Variants in NWD2 observed in about 807,000 individuals in gnomAD.
NWD2 encodes NACHT and WD repeat domain containing 2.
In NWD2, 37 loss-of-function variants were observed where a neutral mutation model predicts 132.7. The ratio of observed to expected loss-of-function variants is 0.28; its 90% CI spans 0.21 to 0.37. The LOEUF (loss-of-function observed/expected upper bound fraction) is 0.37. Among genes scored for constraint, NWD2 ranks in the 10% least tolerant of loss-of-function variants. The pLI is 1.00. For synonymous variants in NWD2, 705 were observed against 803.0 expected (o/e 0.88, Z 2.06); for missense variants, 1,592 against 2,122.4 (o/e 0.75, Z 4.91).
At chr4:37,435,611 A>G (rs1201341997) in intron 5 of NWD2, among the ~76,000 whole-genome samples, 1 of 151,906 alleles carries the variant, frequency 6.6e-6, no homozygotes, top group Non-Finnish European at 1.5e-5. Flanking sequence ...CTTTCCTATT[A>G]TTTATGTAAA....
intron 1 of NWD2, among the ~76,000 whole-genome samples, chr4:37,310,029 G>A (rs1215774481): frequency 1.9e-4 from 29 of 152,116 alleles, no homozygotes; most frequent in Non-Finnish European, 1.5e-5. Context: ...CCTCTTTGGA[G>A]TGATGACCTT....
intron 1 of NWD2, among the ~76,000 whole-genome samples, chr4:37,321,577 C>G (rs965569819): frequency 1.3e-5 from 2 of 152,156 alleles, no homozygotes; most frequent in African/African-American, 4.8e-5. Flanking sequence ...CTTTGATTTA[C>G]ACTGTTTAAA....
chr4:37,333,447 T>C (rs1174686538), intron 2 of NWD2, among the ~76,000 whole-genome samples: 2 of 152,120 alleles, frequency 1.3e-5, no homozygotes, highest in Admixed American at 1.3e-4. Flanking sequence ...TGCCTGGTAA[T>C]CCAGAGAATT....
chr4:37,272,536 T>C (rs868613910), intron 1 of NWD2, among the ~76,000 whole-genome samples: 8 of 151,878 alleles, frequency 5.3e-5, no homozygotes, highest in Middle Eastern at 3.4e-3. Context: ...GTCTATTTTA[T>C]TGAAATTGTT....
chr4:37,313,185 A>G (rs1304110050), intron 1 of NWD2, among the ~76,000 whole-genome samples: 2 of 151,130 alleles, frequency 1.3e-5, no homozygotes, highest in African/African-American at 2.5e-5. Context: ...GTTGATTTGA[A>G]TAGTTTCAGA....
chr4:37,437,416 G>A (rs142964948), intron 5 of NWD2, among the ~76,000 whole-genome samples: 2 of 152,080 alleles, frequency 1.3e-5, no homozygotes, highest in African/African-American at 2.4e-5. Context: ...TTACCCAAAC[G>A]CCCCACCTCC....
At position 37,438,947 on chromosome 4, in the gene NWD2, G is replaced by A; in HGVS notation, c.853G>A (p.Glu285Lys). 1 of 1,552,050 alleles carries A rather than the reference G, an allele frequency of 6.4e-7. No individual in the cohort carries two copies. The highest frequency in any genetic ancestry group is 8.7e-7 in the Non-Finnish European group (1 of 1,147,072). The change falls in exon 6 of 7, where the codon GAA (glutamate) becomes AAA (lysine). Residue 285 changes from glutamate (E) to lysine (K), a missense_variant. Around this residue, in one of 7 missense-constraint regions of NWD2, gnomAD observed 1,071 missense variants for 1,398.0 expected, o/e 0.77. Coordinates refer to ENST00000309447, the MANE Select transcript of NWD2 (RefSeq NM_001144990.2). Reference protein sequence around the residue: ...MGKYMDITGTEPRIIRDPEAQ... With the variant: ...MGKYMDITGTKPRIIRDPEAQ... ...AAAATACATGGATATAACTGGAACA[G>A]AACCGAGGATTATTCGGGACCCAGA...
intron 2 of NWD2, among the ~76,000 whole-genome samples, chr4:37,348,671 T>C (rs376282104): frequency 0.08 from 4,898 of 60,990 alleles, 444 homozygotes; most frequent in African/African-American, 0.25. Flanking sequence ...TATATATATA[T>C]ATATACACAC....
intron 4 of NWD2, among the ~76,000 whole-genome samples, chr4:37,433,222 C>T (rs1047931470): frequency 1.3e-5 from 2 of 152,114 alleles, no homozygotes; most frequent in Non-Finnish European, 2.9e-5. Context: ...ATATAGATAG[C>T]AAAGAACCTG....
chr4:37,320,460 A>G (rs1719045761), intron 1 of NWD2, among the ~76,000 whole-genome samples: 1 of 152,322 alleles, frequency 6.6e-6, no homozygotes. Flanking sequence ...ACAGGGACAG[A>G]TAACAGGTCA....
chr4:37,441,779 T>C (rs1277206252), intron 6 of NWD2, among the ~76,000 whole-genome samples: 1 of 152,166 alleles, frequency 6.6e-6, no homozygotes, highest in African/African-American at 2.4e-5. Flanking sequence ...TGACTCACCG[T>C]CAACAACAAC....
intron 2 of NWD2, among the ~76,000 whole-genome samples, chr4:37,347,561 T>A (rs552899107): frequency 6.6e-6 from 1 of 152,294 alleles, no homozygotes; most frequent in South Asian, 2.1e-4. Context: ...TCTGATCTGT[T>A]TACAATTTAT....
intron 2 of NWD2, among the ~76,000 whole-genome samples, chr4:37,330,482 T>C (rs950537733): frequency 6.6e-6 from 1 of 152,160 alleles, no homozygotes; most frequent in Non-Finnish European, 1.5e-5. Context: ...GCAAAACAGA[T>C]AAAATAAATA....
intron 2 of NWD2, among the ~76,000 whole-genome samples, chr4:37,331,981 A>G (rs1403690576): frequency 2.0e-5 from 3 of 152,214 alleles, no homozygotes; most frequent in Non-Finnish European, 2.9e-5. Context: ...ACTGAGGCCC[A>G]TTTAGACCAG....
intron 1 of NWD2, among the ~76,000 whole-genome samples, chr4:37,266,456 A>G (rs1717754268): frequency 6.6e-6 from 1 of 152,068 alleles, no homozygotes. Flanking sequence ...TTACAGTTTT[A>G]CAACTTTTAG....
intron 1 of NWD2, among the ~76,000 whole-genome samples, chr4:37,303,155 C>G (rs1718640362): frequency 6.6e-6 from 1 of 152,042 alleles, no homozygotes; most frequent in South Asian, 2.1e-4. Context: ...AATGTTTGGT[C>G]TTCTGCATAT....
intron 3 of NWD2, among the ~76,000 whole-genome samples, chr4:37,372,171 C>G (rs1720242180): frequency 6.6e-6 from 1 of 152,070 alleles, no homozygotes; most frequent in Non-Finnish European, 1.5e-5. Flanking sequence ...TATATTAAAA[C>G]TAAACACACT....
intron 3 of NWD2, among the ~76,000 whole-genome samples, chr4:37,373,240 C>G (rs1226280747): frequency 6.6e-6 from 1 of 152,234 alleles, no homozygotes; most frequent in East Asian, 1.9e-4. Flanking sequence ...GCCAGGCACA[C>G]TGACTGTGAG....
rs200452790 is a variant in NWD2, at chr4:37,319,949, GC to G, written c.152-5985del. On this transcript the variant is annotated intron_variant, in intron 1 of 6. Coordinates refer to ENST00000309447, the MANE Select transcript of NWD2 (RefSeq NM_001144990.2). The stretch of plus-strand genomic sequence containing the variant: ...TTGTTTTTTGCTTAGGATTGCTTTG[GC>G]CATTCAGTCCCTTTTCTGATTCTGT... 6.6e-3 allele frequency among the ~76,000 whole-genome samples: 1,001 copies of G among 152,186 alleles called. 12 individuals are homozygous for G. The highest frequency in any genetic ancestry group is 0.023 in the African/African-American group (960 of 41,530).
Sources: gnomAD v4.1 joint callset for allele counts (sites outside exome capture counted in the v4.1 genomes callset) on GRCh38, gnomAD v4.1.1 for gene constraint, gnomAD v4.1.1 regional missense constraint, MANE v1.5 for transcripts, NCBI Gene and HGNC (gene_info 2026-07-23, HGNC 2026-07-21) for gene names.